The following WBP1L variants were observed in gnomAD, a reference collection of about 807,000 sequenced individuals.
WBP1L encodes WW domain binding protein 1-like.
WBP1L carries 17 observed loss-of-function variants against 33.7 expected under a neutral mutation model. The ratio of observed to expected loss-of-function variants is 0.50; its 90% confidence interval spans 0.34 to 0.76. The LOEUF is 0.76. WBP1L is among the 30% of genes least tolerant of loss of function. The pLI is 0.01. For synonymous variants in WBP1L, 173 were observed against 190.8 expected (o/e 0.91, Z 0.77); for missense variants, 389 against 469.4 (o/e 0.83, Z 1.58).
intron 1 of WBP1L, among the ~76,000 whole-genome samples, chr10:102,797,584 GCT>G (rs2134058240): frequency 6.6e-6 from 1 of 151,710 alleles, no homozygotes; most frequent in East Asian, 1.9e-4. Flanking sequence ...ATGGAGTCTC[GCT>G]CTGTCGCCCA....
At chr10:102,802,874 A>T (rs910694691) in intron 2 of WBP1L, among the ~76,000 whole-genome samples, 1 of 152,220 alleles carries the variant, frequency 6.6e-6, no homozygotes, top group Non-Finnish European at 1.5e-5. Flanking sequence ...CTGCCCATCT[A>T]TGGTTAAGCC....
intron 1 of WBP1L, among the ~76,000 whole-genome samples, chr10:102,761,536 A>G (rs1325810029): frequency 6.6e-6 from 1 of 151,196 alleles, no homozygotes; most frequent in Non-Finnish European, 1.5e-5. Context: ...GGCTCATTGC[A>G]ACCTCCGCCT....
At chr10:102,750,121 A>C (rs1842911130) in intron 1 of WBP1L, among the ~76,000 whole-genome samples, 1 of 151,780 alleles carries the variant, frequency 6.6e-6, no homozygotes, top group African/African-American at 2.4e-5. Flanking sequence ...ATTGAGATAT[A>C]ATCAGGTCAG....
At chr10:102,752,766 C>T (rs529113536) in intron 1 of WBP1L, among the ~76,000 whole-genome samples, 7 of 152,286 alleles carry the variant, frequency 4.6e-5, no homozygotes, top group East Asian at 1.9e-4. Flanking sequence ...TTTGCTCTCA[C>T]GCACGCTTAG....
At chr10:102,780,152 T>C (rs1265404180) in intron 1 of WBP1L, among the ~76,000 whole-genome samples, 1 of 152,124 alleles carries the variant, frequency 6.6e-6, no homozygotes, top group Non-Finnish European at 1.5e-5. Flanking sequence ...GCAGATAAAC[T>C]GTAGGATTTA....
At chr10:102,786,796 A>C (rs1418003231) in intron 1 of WBP1L, among the ~76,000 whole-genome samples, 1 of 152,176 alleles carries the variant, frequency 6.6e-6, no homozygotes, top group Admixed American at 6.5e-5. Flanking sequence ...TTTGGGGACC[A>C]TGACACTGTG....
At chr10:102,786,426 A>G (rs1475642) in intron 1 of WBP1L, among the ~76,000 whole-genome samples, 33,006 of 152,152 alleles carry the variant, frequency 0.22, 4,418 homozygotes, top group Non-Finnish European at 0.31. Flanking sequence ...TTGAATATAC[A>G]TAAACATAAC....
chr10:102,780,429 C>T (rs1004440971), intron 1 of WBP1L, among the ~76,000 whole-genome samples: 1 of 152,134 alleles, frequency 6.6e-6, no homozygotes, highest in East Asian at 1.9e-4. Flanking sequence ...TACTAATTTT[C>T]GGAGAACAGT....
At chr10:102,767,959 C>A (rs1055096591) in intron 1 of WBP1L, among the ~76,000 whole-genome samples, 1 of 152,196 alleles carries the variant, frequency 6.6e-6, no homozygotes, top group Non-Finnish European at 1.5e-5. Context: ...TGGACGTATG[C>A]CCCATGCGTC....
chr10:102,802,517 T>C (rs1023158603), intron 2 of WBP1L, among the ~76,000 whole-genome samples: 5 of 152,126 alleles, frequency 3.3e-5, no homozygotes, highest in African/African-American at 9.7e-5. Flanking sequence ...GTTTCTTTTT[T>C]CCTTTTCTTT....
intron 1 of WBP1L, among the ~76,000 whole-genome samples, chr10:102,761,947 A>G (rs773021380): frequency 3.9e-5 from 6 of 152,190 alleles, no homozygotes; most frequent in Non-Finnish European, 5.9e-5. Context: ...TCCTGAGCTC[A>G]AGCAATCCCC....
intron 1 of WBP1L, among the ~76,000 whole-genome samples, chr10:102,773,390 T>C (rs995823053): frequency 6.6e-6 from 1 of 152,194 alleles, no homozygotes; most frequent in Admixed American, 6.5e-5. Flanking sequence ...CACAAGAATT[T>C]ATAATCTGTG....
At position 102,762,654 on chromosome 10, in the gene WBP1L, G is replaced by A. The variant is rs4919675; in HGVS notation, c.90+18511G>A. ...TGGATAAAGTGAAAGATTAACTTAC[G>A]ACGTTTGCCCTCAATTTTTAGTGAA... On this transcript the variant is annotated intron_variant, in intron 1 of 3. Coordinates refer to ENST00000448841, the MANE Select transcript of WBP1L (RefSeq NM_001083913.2). Among the ~76,000 whole-genome samples, 608 of 152,282 alleles carry A rather than the reference G, an allele frequency of 4.0e-3. 10 individuals carry two copies. The highest frequency in any genetic ancestry group is 0.031 in the Admixed American group (480 of 15,282).
intron 1 of WBP1L, chr10:102,776,282 G>A (rs1266324014): frequency 1.9e-6 from 3 of 1,609,192 alleles, no homozygotes; most frequent in Non-Finnish European, 1.7e-6. Context: ...GAAGGCCGGT[G>A]AACCAGGACC....
intron 1 of WBP1L, among the ~76,000 whole-genome samples, chr10:102,767,765 G>A (rs1590172650): frequency 6.6e-6 from 1 of 152,088 alleles, no homozygotes. Context: ...TATCAAACAA[G>A]CAAAATGAGG....
At position 102,801,579 on chromosome 10, in the gene WBP1L, A is replaced by G. The variant is rs1843657490; in HGVS notation, c.193+3484A>G. ...GTGCATTGGCCCAAACCCCAAAGCC[A>G]CTCCTCCCTGTTCTCATCCTGGGGC... On this transcript the variant is annotated intron_variant, in intron 2 of 3. Transcript: ENST00000448841. Among the ~76,000 whole-genome samples the G allele has an allele frequency of 2.0e-5, 3 of 151,702 alleles. No individual in the cohort carries two copies. The South Asian group carries it at 6.2e-4, about 32-fold the overall frequency.
chr10:102,748,537 G>A (rs1842891505), intron 1 of WBP1L, among the ~76,000 whole-genome samples: 1 of 152,190 alleles, frequency 6.6e-6, no homozygotes, highest in Non-Finnish European at 1.5e-5. Context: ...TGCGTTTGAT[G>A]TACCAAAGTG....
chr10:102,815,654 C>A lies in WBP1L; in HGVS notation c.*2323C>A, dbSNP rs1433864539. The A allele has an allele frequency of 7.1e-6, 1 of 140,120 alleles. No individual in the cohort carries two copies. The highest frequency in any genetic ancestry group is 1.6e-5 in the Non-Finnish European group (1 of 61,418). 8.7% of individuals were successfully genotyped at this position (140,120 alleles called of 1,614,324 possible). A position where few individuals can be genotyped will look rare whatever the true frequency, so the allele number is the denominator to read the frequency against. On this transcript the variant is annotated 3_prime_UTR_variant, in exon 4 of 4. Transcript: ENST00000448841. ...AGCCCCTCAGATGCCTTTCCTTCCA[C>A]CTTTTTTTATTTTTTAAGAATCCCA...
chr10:102,760,376 C>CT (rs71019612), intron 1 of WBP1L, among the ~76,000 whole-genome samples: 27,489 of 95,908 alleles, frequency 0.29, 3,840 homozygotes, highest in Non-Finnish European at 0.36. Context: ...TTCTTTCTTT[C>CT]TTTTTTTTTT....
Sources: allele counts gnomAD v4.1 joint callset (sites outside exome capture counted in the v4.1 genomes callset), GRCh38; gene constraint gnomAD v4.1.1; transcripts MANE v1.5; gene names NCBI Gene and HGNC (gene_info 2026-07-23, HGNC 2026-07-21).